VPS35L: variants seen among roughly 807,000 people sequenced by gnomAD.
VPS35L encodes the protein VPS35 endosomal protein sorting factor like, also known as VPS35 endosomal protein-sorting factor-like.
A neutral mutation model predicts 133.0 loss-of-function variants in VPS35L; 83 were observed. That is an observed-to-expected ratio of 0.62 (90% confidence interval 0.52 to 0.75). The LOEUF (loss-of-function observed/expected upper bound fraction) is 0.75. Among genes scored for constraint, VPS35L ranks in the 30% least tolerant of loss-of-function variants. The pLI is 0.00. For missense variants in VPS35L, 1,083 were observed against 1,206.8 expected (o/e 0.90, Z 1.52); for synonymous variants, 423 against 449.9 (o/e 0.94, Z 0.76).
At chr16:19,558,534 C>T (rs1466592989) in intron 1 of VPS35L, among the ~76,000 whole-genome samples, 1 of 152,174 alleles carries the variant, frequency 6.6e-6, no homozygotes, top group African/African-American at 2.4e-5. Context: ...TTTGCTATCC[C>T]TGCTATATTT....
At chr16:19,660,604 C>T (rs917485923) in intron 26 of VPS35L, among the ~76,000 whole-genome samples, 1 of 152,152 alleles carries the variant, frequency 6.6e-6, no homozygotes, top group African/African-American at 2.4e-5. Context: ...GATGGGTTAT[C>T]ACTTCTTGAC....
rs1567446402 is a variant in VPS35L, at chr16:19,639,987, G to T, written c.1699-28G>T. 2 of 1,574,032 alleles carry T rather than the reference G, an allele frequency of 1.3e-6. No homozygotes were observed. Among genetic ancestry groups the T allele is most frequent in the East Asian group, 4.5e-5 (2 of 44,662 alleles). On this transcript the variant is annotated intron_variant, in intron 20 of 30. Coordinates refer to ENST00000417362, the MANE Select transcript of VPS35L (RefSeq NM_020314.7). This position sits in a 1 kb window ranked among gnomAD's most constrained non-coding sequence, Gnocchi z 4.1. ...TTCCTTCCAATAACTTGTGTCATTT[G>T]CATATAGAGTGCTTGCTTTATTTAT... is the stretch of plus-strand genomic sequence containing the variant.
At chr16:19,671,699 C>T (rs890978887) in intron 27 of VPS35L, among the ~76,000 whole-genome samples, 1 of 152,012 alleles carries the variant, frequency 6.6e-6, no homozygotes, top group African/African-American at 2.4e-5. Flanking sequence ...ATCGCTTGAA[C>T]CTGGGAGGTA....
intron 14 of VPS35L, among the ~76,000 whole-genome samples, chr16:19,623,680 G>A (rs933546086): frequency 6.6e-6 from 1 of 151,268 alleles, no homozygotes; most frequent in Admixed American, 6.6e-5. Flanking sequence ...TTGCACTTAA[G>A]AACCCTCCTT....
At position 19,637,561 on chromosome 16, in the gene VPS35L, T is replaced by A. The variant is rs769828714; in HGVS notation, c.1636-33T>A. ...AAGAAATTTTTAAAAATTAAGTTTT[T>A]AAAAATAATATTTTTGTTTGTTTGT... is the stretch of plus-strand genomic sequence containing the variant. On this transcript the variant is annotated intron_variant, in intron 19 of 30. Coordinates refer to ENST00000417362, the MANE Select transcript of VPS35L (RefSeq NM_020314.7). 4 of 1,449,190 alleles carry A rather than the reference T, an allele frequency of 2.8e-6. No homozygotes were observed. The South Asian group carries it at 5.4e-5, about 20-fold the overall frequency. 89.8% of individuals were successfully genotyped at this position (1,449,190 alleles called of 1,614,324 possible). A position where few individuals can be genotyped will look rare whatever the true frequency, so the allele number is the denominator to read the frequency against.
rs200642096 is a variant in VPS35L, at chr16:19,616,129, G to T, written c.1039G>T (p.Ala347Ser). Residue 347 changes from alanine (A) to serine (S), a missense_variant, in exon 13 of 31, where the codon GCC becomes TCC. Transcript: ENST00000417362. ...CTGGCTGCAGGTGGGAATGGAAGTG[G>T]CCCCACATCTCAAAGAAACCCTAAA... is the stretch of plus-strand genomic sequence containing the variant. ...AYLCRVGMEV[A>S]PHLKETLNKN... is the part of the protein sequence containing the mutation. 1 of 1,612,756 alleles carries T rather than the reference G, an allele frequency of 6.2e-7. No homozygotes were observed. Among genetic ancestry groups the T allele is most frequent in the Admixed American group, 1.7e-5 (1 of 59,958 alleles).
intron 22 of VPS35L, among the ~76,000 whole-genome samples, chr16:19,644,392 A>G (rs1454608084): frequency 6.6e-6 from 1 of 152,110 alleles, no homozygotes; most frequent in Non-Finnish European, 1.5e-5. Context: ...TTTGCTGTAC[A>G]TTGGAAATAT....
At chr16:19,616,602 A>G (rs1056460922) in intron 13 of VPS35L, 84 bp from the exon 14 acceptor site, 2 of 1,524,330 alleles carry the variant, frequency 1.3e-6, no homozygotes, top group South Asian at 1.2e-5. Flanking sequence ...GCTTACAAGT[A>G]TGCACAGTCT....
intron 5 of VPS35L, among the ~76,000 whole-genome samples, chr16:19,576,324 T>C (rs1341953915): frequency 6.6e-6 from 1 of 152,114 alleles, no homozygotes; most frequent in African/African-American, 2.4e-5. Context: ...GTCTTTTCCC[T>C]TGTGCAATAA....
At chr16:19,625,856 T>G (rs1443874219) in intron 14 of VPS35L, among the ~76,000 whole-genome samples, 5 of 152,158 alleles carry the variant, frequency 3.3e-5, no homozygotes, top group Non-Finnish European at 7.3e-5. Context: ...GTATTTTTAG[T>G]GGAGACGGGG....
At chr16:19,572,736 G>A (rs1046891143) in intron 3 of VPS35L, among the ~76,000 whole-genome samples, 1 of 152,054 alleles carries the variant, frequency 6.6e-6, no homozygotes, top group Admixed American at 6.5e-5. Context: ...AGACTGGAGT[G>A]CAGTGGTACA....
chr16:19,664,914 C>CA (rs1356060362), intron 26 of VPS35L, among the ~76,000 whole-genome samples: 1 of 146,224 alleles, frequency 6.8e-6, no homozygotes. Flanking sequence ...AAAAAAAAAA[C>CA]AAAAAAACAT....
At chr16:19,581,310 GCCAGACTTTCAACC>G (rs1163927809) in intron 6 of VPS35L, among the ~76,000 whole-genome samples, 5 of 152,010 alleles carry the variant, frequency 3.3e-5, no homozygotes, top group African/African-American at 1.2e-4. Flanking sequence ...TGCTTCCAAG[GCCAGACTTTCAACC>G]CACAGCACTC....
chr16:19,643,288 C>T (rs961280818), intron 22 of VPS35L, among the ~76,000 whole-genome samples: 2 of 152,146 alleles, frequency 1.3e-5, no homozygotes, highest in African/African-American at 4.8e-5. Flanking sequence ...CAGAAAGGCA[C>T]TTAGATTCGT....
At chr16:19,661,103 T>G (rs1394424243) in intron 26 of VPS35L, among the ~76,000 whole-genome samples, 1 of 151,596 alleles carries the variant, frequency 6.6e-6, no homozygotes, top group African/African-American at 2.4e-5. Context: ...TCTTTCCCCC[T>G]TAGCAATAAA....
chr16:19,693,823 C>T (rs1975795280), intron 29 of VPS35L, among the ~76,000 whole-genome samples: 1 of 151,532 alleles, frequency 6.6e-6, no homozygotes, highest in Non-Finnish European at 1.5e-5. Context: ...GTGGTGAGTG[C>T]CTGTAGTCCC....
At chr16:19,616,415 G>A (rs910821064) in intron 13 of VPS35L, among the ~76,000 whole-genome samples, 11 of 151,994 alleles carry the variant, frequency 7.2e-5, no homozygotes, top group South Asian at 2.1e-4. Context: ...GTCTCCAGTC[G>A]ATCAGCCTTG....
intron 1 of VPS35L, among the ~76,000 whole-genome samples, chr16:19,559,919 C>T (rs1056194053): frequency 1.4e-4 from 22 of 152,236 alleles, no homozygotes; most frequent in African/African-American, 5.3e-4. Flanking sequence ...AACTCCTGAC[C>T]TCAGGTGACC....
intron 14 of VPS35L, 58 bp from the exon 15 acceptor site, chr16:19,626,119 A>G (rs1973253694): frequency 8.9e-7 from 1 of 1,128,454 alleles, no homozygotes; most frequent in Non-Finnish European, 1.3e-6. Flanking sequence ...TCTCTTAGAA[A>G]TGTTACTTTA....
Sources: gnomAD v4.1 joint callset for allele counts (sites outside exome capture counted in the v4.1 genomes callset) on GRCh38, gnomAD v4.1.1 for gene constraint, Gnocchi (gnomAD v3.1) non-coding constraint, MANE v1.5 for transcripts, NCBI Gene and HGNC (gene_info 2026-07-23, HGNC 2026-07-21) for gene names.